DDR2: variants seen among roughly 807,000 people sequenced by gnomAD.
The protein encoded by DDR2 is discoidin domain-containing receptor 2.
DDR2 carries 27 observed loss-of-function variants against 94.9 expected under a neutral mutation model. The ratio of observed to expected loss-of-function variants is 0.28; its 90% CI spans 0.21 to 0.39. The LOEUF (loss-of-function observed/expected upper bound fraction) is 0.39. Ranked by LOEUF, DDR2 falls within the 10% of genes least tolerant of loss-of-function variation. The pLI is 1.00. For missense variants in DDR2, 783 were observed against 1,076.0 expected, an observed-to-expected ratio of 0.73 and a Z score of 3.81; for synonymous variants, 382 against 377.2, an observed-to-expected ratio of 1.01 and a Z score of -0.15.
intron 3 of DDR2, among the ~76,000 whole-genome samples, chr1:162,727,430 GTATT>G (rs1661746251): frequency 7.0e-6 from 1 of 143,138 alleles, no homozygotes; most frequent in Non-Finnish European, 1.5e-5. Context: ...ATTTATGTAT[GTATT>G]TATGTATATA....
chr1:162,658,664 A>C (rs1171515813), intron 2 of DDR2, among the ~76,000 whole-genome samples: 10 of 123,750 alleles, frequency 8.1e-5, no homozygotes, highest in Non-Finnish European at 1.2e-4. Flanking sequence ...TGTCTGTACA[A>C]AAAAAAAAAA....
chr1:162,647,175 A>G (rs1319356279), intron 1 of DDR2, among the ~76,000 whole-genome samples: 2 of 152,202 alleles, frequency 1.3e-5, no homozygotes, highest in Admixed American at 6.5e-5. Context: ...GGGTGGTAGA[A>G]AGTACAAATC....
At chr1:162,636,772 A>C (rs932889212) in intron 1 of DDR2, among the ~76,000 whole-genome samples, 2 of 152,178 alleles carry the variant, frequency 1.3e-5, no homozygotes, top group Non-Finnish European at 2.9e-5. Flanking sequence ...AATGCAAGAT[A>C]ATCCTTAGGG....
chr1:162,647,157 C>T (rs764301329), intron 1 of DDR2, among the ~76,000 whole-genome samples: 12 of 151,762 alleles, frequency 7.9e-5, no homozygotes, highest in Admixed American at 1.3e-4. Flanking sequence ...GGCAAAGAGC[C>T]GATGAGAGGG....
rs115964208 is a variant in DDR2, at chr1:162,655,964, A to G, written c.-28+590A>G. 8.1e-3 allele frequency among the ~76,000 whole-genome samples: 1,238 copies of G among 152,290 alleles called. 25 individuals carry two copies. The highest frequency in any genetic ancestry group is 0.028 in the African/African-American group (1,162 of 41,564). ...AGGGATACTGATTGCAGATTCATAC[A>G]GCGCTTAGCTGGGACTCAAGGCAAA... is the stretch of plus-strand genomic sequence containing the variant. On this transcript the variant is annotated intron_variant, in intron 2 of 17. Coordinates refer to ENST00000367921, the MANE Select transcript of DDR2 (RefSeq NM_006182.4).
chr1:162,672,400 A>C (rs1252893611), intron 2 of DDR2, among the ~76,000 whole-genome samples: 1 of 151,904 alleles, frequency 6.6e-6, no homozygotes, highest in Non-Finnish European at 1.5e-5. Context: ...TGCGTTTCTA[A>C]CTTTTCCCTG....
At chr1:162,761,189 C>T in intron 8 of DDR2, 22 bp from the exon 9 acceptor site, 1 of 1,613,774 alleles carries the variant, frequency 6.2e-7, no homozygotes, top group Non-Finnish European at 8.5e-7. Flanking sequence ...ACCTATCACT[C>T]ACATGCCTCT....
intron 2 of DDR2, among the ~76,000 whole-genome samples, chr1:162,666,382 G>A (rs1001108832): frequency 4.6e-5 from 7 of 152,308 alleles, no homozygotes; most frequent in Middle Eastern, 3.4e-3. Flanking sequence ...AGTATTTGTG[G>A]AATGAATGAA....
At chr1:162,663,417 G>A (rs1336263912) in intron 2 of DDR2, among the ~76,000 whole-genome samples, 1 of 152,160 alleles carries the variant, frequency 6.6e-6, no homozygotes, top group Non-Finnish European at 1.5e-5. Context: ...CCTATCTCAT[G>A]TCAACTCAAT....
chr1:162,723,212 A>G (rs74116791), intron 3 of DDR2, among the ~76,000 whole-genome samples: 2,759 of 152,226 alleles, frequency 0.018, 76 homozygotes, highest in African/African-American at 0.063. Flanking sequence ...AGCGTATGCA[A>G]TGGCTGAGAG....
intron 3 of DDR2, among the ~76,000 whole-genome samples, chr1:162,734,796 G>A (rs1378648232): frequency 6.6e-6 from 1 of 152,190 alleles, no homozygotes; most frequent in Middle Eastern, 3.2e-3. Flanking sequence ...CAGAGAGTAG[G>A]CTGAGACCCA....
chr1:162,732,477 T>C (rs1662101391), intron 3 of DDR2, among the ~76,000 whole-genome samples: 1 of 152,208 alleles, frequency 6.6e-6, no homozygotes, highest in Non-Finnish European at 1.5e-5. Context: ...TCAGTCCTGG[T>C]TACCCTAGCC....
chr1:162,722,890 A>G (rs1283314479), intron 3 of DDR2, among the ~76,000 whole-genome samples: 3 of 152,224 alleles, frequency 2.0e-5, no homozygotes, highest in African/African-American at 7.2e-5. Flanking sequence ...GCTTGGAAGT[A>G]TAGCCCCTGA....
At chr1:162,778,512 T>G (rs2102205325) in intron 16 of DDR2, 68 bp from the exon 17 acceptor site, 3 of 1,598,248 alleles carry the variant, frequency 1.9e-6, no homozygotes, top group Non-Finnish European at 2.6e-6. Context: ...CTGCAGATTA[T>G]GAAATTTAAC....
chr1:162,657,257 T>C (rs942214023), intron 2 of DDR2, among the ~76,000 whole-genome samples: 3 of 152,190 alleles, frequency 2.0e-5, no homozygotes, highest in African/African-American at 7.2e-5. Flanking sequence ...CACTGTCATA[T>C]TATCCCTGGA....
chr1:162,729,298 A>T (rs201866783), intron 3 of DDR2, among the ~76,000 whole-genome samples: 10,078 of 32,880 alleles, frequency 0.31, 765 homozygotes, highest in African/African-American at 0.36. Context: ...ATATATATAT[A>T]TATTTTTTTT....
intron 2 of DDR2, among the ~76,000 whole-genome samples, chr1:162,671,841 T>C (rs1322156985): frequency 6.6e-6 from 1 of 152,234 alleles, no homozygotes; most frequent in East Asian, 1.9e-4. Context: ...TTTTGTCATT[T>C]AGGTCAAAAA....
intron 1 of DDR2, among the ~76,000 whole-genome samples, chr1:162,640,080 C>T (rs192516461): frequency 5.1e-4 from 77 of 150,324 alleles, no homozygotes; most frequent in African/African-American, 1.2e-3. Flanking sequence ...CTTGCTCTGT[C>T]GCCCAGGCTG....
At chr1:162,778,346 C>T (rs905348103) in intron 16 of DDR2, among the ~76,000 whole-genome samples, 1 of 152,162 alleles carries the variant, frequency 6.6e-6, no homozygotes, top group Non-Finnish European at 1.5e-5. Flanking sequence ...AGTCAAATAG[C>T]TTATGGCTGC....
Sources: allele counts gnomAD v4.1 joint callset (sites outside exome capture counted in the v4.1 genomes callset), GRCh38; gene constraint gnomAD v4.1.1; transcripts MANE v1.5; gene names NCBI Gene and HGNC (gene_info 2026-07-23, HGNC 2026-07-21).